Variants in TRIM14 observed in about 807,000 individuals in gnomAD.
TRIM14 encodes tripartite motif-containing protein 14.
In TRIM14, 28 loss-of-function variants were observed where a neutral mutation model predicts 44.5. The ratio of observed to expected loss-of-function variants is 0.63; its 90% CI spans 0.47 to 0.86. TRIM14 has a LOEUF of 0.86. Among genes scored for constraint, TRIM14 ranks in the 40% least tolerant of loss-of-function variants. The pLI is 0.00. For missense variants in TRIM14, 607 were observed against 611.1 expected, an observed-to-expected ratio of 0.99 and a Z score of 0.07; for synonymous variants, 299 against 269.2, an observed-to-expected ratio of 1.11 and a Z score of -1.08.
the TRIM14 span, among the ~76,000 whole-genome samples, chr9:98,041,892 C>A: frequency 1.3e-5 from 2 of 151,518 alleles, no homozygotes; most frequent in African/African-American, 4.8e-5. Flanking sequence ...CCATGGTGGT[C>A]AGGCTGGTCT....
chr9:98,060,995 G>A, the TRIM14 span: 1 of 1,613,306 alleles, frequency 6.2e-7, no homozygotes, highest in Non-Finnish European at 8.5e-7. Context: ...TGGCATGGAT[G>A]AGGTGAGTCC....
downstream of TRIM14, chr9:98,082,850 GC>G: frequency 6.2e-7 from 1 of 1,614,036 alleles, no homozygotes; most frequent in Non-Finnish European, 8.5e-7. Flanking sequence ...CCACAGCTGG[GC>G]AAGTCTGTGG....
chr9:98,052,980 A>G, the TRIM14 span, among the ~76,000 whole-genome samples: 1 of 152,210 alleles, frequency 6.6e-6, no homozygotes, highest in African/African-American at 2.4e-5. Context: ...GTTTTCTAAT[A>G]ATTAGAGTCT....
At chr9:98,088,590 G>A (rs1181016355) in intron 5 of TRIM14, among the ~76,000 whole-genome samples, 2 of 152,144 alleles carry the variant, frequency 1.3e-5, no homozygotes, top group Non-Finnish European at 2.9e-5. Context: ...TTTTAAAATT[G>A]ATTGATCTAC....
At chr9:98,073,539 TC>T (rs1412955138) in intron 6 of TRIM14, among the ~76,000 whole-genome samples, 1 of 151,132 alleles carries the variant, frequency 6.6e-6, no homozygotes. Context: ...CGCCACGGCC[TC>T]CCAAAGTGCT....
the TRIM14 span, among the ~76,000 whole-genome samples, chr9:98,049,796 A>C: frequency 6.6e-6 from 1 of 152,184 alleles, no homozygotes; most frequent in Admixed American, 6.5e-5. Context: ...ATGGGAATGC[A>C]GCTCAGAAGG....
downstream of TRIM14, among the ~76,000 whole-genome samples, chr9:98,083,676 A>AT (rs1423492718): frequency 3.3e-5 from 5 of 152,262 alleles, no homozygotes; most frequent in Non-Finnish European, 4.4e-5. Flanking sequence ...GGCCATGAAC[A>AT]AGCCCCAATC....
At chr9:98,039,081 A>G in the TRIM14 span, among the ~76,000 whole-genome samples, 1 of 151,998 alleles carries the variant, frequency 6.6e-6, no homozygotes. Context: ...TGAGACACTA[A>G]ACACATGCCC....
At chr9:98,072,381 T>C (rs1182482292) in intron 6 of TRIM14, among the ~76,000 whole-genome samples, 1 of 152,020 alleles carries the variant, frequency 6.6e-6, no homozygotes. Context: ...GTCCCCTGCC[T>C]GACCTAGGGC....
At chr9:98,056,684 CGCGGGCTG>C in the TRIM14 span, 2 of 1,413,372 alleles carry the variant, frequency 1.4e-6, no homozygotes, top group Non-Finnish European at 9.4e-7. Flanking sequence ...GCCCGGCGAC[CGCGGGCTG>C]ACGTGGCGGG....
At position 98,087,399 on chromosome 9, in the gene TRIM14, C is replaced by T; in HGVS notation, c.*71G>A. ...GCAGGCAGTAAGGGGACCAGCCACG[C>T]TGATCTAGGTAGATTAGGCGAGACT... On this transcript the variant is annotated 3_prime_UTR_variant, in exon 6 of 6. Transcript: ENST00000341469. 1 of 1,609,230 alleles carries T rather than the reference C, an allele frequency of 6.2e-7. No individual in the cohort carries two copies. Among genetic ancestry groups the T allele is most frequent in the Non-Finnish European group, 8.5e-7 (1 of 1,176,204 alleles).
At chr9:98,083,087 C>A, downstream of TRIM14, 1 of 1,600,986 alleles carries the variant, frequency 6.2e-7, no homozygotes, top group Non-Finnish European at 8.5e-7. Flanking sequence ...ATTCTCAGTT[C>A]CCTTGCTGAT....
chr9:98,052,767 A>G, the TRIM14 span, among the ~76,000 whole-genome samples: 6 of 152,180 alleles, frequency 3.9e-5, no homozygotes, highest in African/African-American at 1.4e-4. Context: ...TGGCCTCCCA[A>G]TGTGCTGGGA....
chr9:98,103,567 G>A (rs757487228), intron 2 of TRIM14, among the ~76,000 whole-genome samples: 3 of 152,016 alleles, frequency 2.0e-5, no homozygotes, highest in Non-Finnish European at 2.9e-5. Flanking sequence ...AGCTGGGCAC[G>A]GTGGCTCACG....
chr9:98,093,212 C>T (rs1826061880), intron 4 of TRIM14, among the ~76,000 whole-genome samples: 1 of 152,154 alleles, frequency 6.6e-6, no homozygotes, highest in African/African-American at 2.4e-5. Context: ...ACCCTACGTC[C>T]ACTCCTGTTG....
intron 4 of TRIM14, among the ~76,000 whole-genome samples, chr9:98,092,773 C>G (rs777330110): frequency 6.6e-6 from 1 of 152,218 alleles, no homozygotes; most frequent in African/African-American, 2.4e-5. Context: ...AGGCGAACGC[C>G]GAGCTGTAAC....
the TRIM14 span, among the ~76,000 whole-genome samples, chr9:98,062,357 C>A: frequency 1.3e-5 from 2 of 152,136 alleles, no homozygotes; most frequent in Non-Finnish European, 2.9e-5. Flanking sequence ...TTGGCTTGGC[C>A]ATGCTACATC....
chr9:98,104,220 T>A (rs1826515466), intron 2 of TRIM14, among the ~76,000 whole-genome samples: 1 of 152,192 alleles, frequency 6.6e-6, no homozygotes, highest in African/African-American at 2.4e-5. Flanking sequence ...ATTTACTGAA[T>A]GATCAAATGA....
At chr9:98,050,086 G>A in the TRIM14 span, among the ~76,000 whole-genome samples, 8 of 152,184 alleles carry the variant, frequency 5.3e-5, no homozygotes, top group Admixed American at 6.5e-5. Flanking sequence ...ACATTTCAGC[G>A]TTTGCCTTAT....
Sources: allele counts gnomAD v4.1 joint callset (sites outside exome capture counted in the v4.1 genomes callset), GRCh38; gene constraint gnomAD v4.1.1; transcripts MANE v1.5; gene names NCBI Gene and HGNC (gene_info 2026-07-23, HGNC 2026-07-21).